PRR16: variants seen among roughly 807,000 people sequenced by gnomAD.
PRR16 encodes protein Largen.
Under a neutral mutation model 18.2 loss-of-function variants are expected in PRR16, and 6 were observed. That is an observed-to-expected ratio of 0.33 (90% CI 0.18 to 0.65). The LOEUF is 0.65. Ranked by LOEUF, PRR16 falls within the 30% of genes least tolerant of loss-of-function variation. PRR16 has a pLI of 0.74. For synonymous variants in PRR16, 151 were observed against 147.8 expected, an observed-to-expected ratio of 1.02 and a Z score of -0.16; for missense variants, 412 against 376.6, an observed-to-expected ratio of 1.09 and a Z score of -0.78.
At chr5:120,468,699 T>G (rs751354047) in intron 1 of PRR16, among the ~76,000 whole-genome samples, 9 of 152,230 alleles carry the variant, frequency 5.9e-5, no homozygotes, top group Non-Finnish European at 1.2e-4. Flanking sequence ...GGTATTAATA[T>G]GGGATCACAT....
chr5:120,527,323 T>C (rs1469546544), intron 1 of PRR16, among the ~76,000 whole-genome samples: 4 of 152,206 alleles, frequency 2.6e-5, no homozygotes, highest in Admixed American at 6.5e-5. Context: ...CCTTAATTAT[T>C]GGTCAAACAT....
chr5:120,624,083 G>A (rs556310703), intron 1 of PRR16, among the ~76,000 whole-genome samples: 2 of 152,170 alleles, frequency 1.3e-5, no homozygotes, highest in South Asian at 2.1e-4. Flanking sequence ...TTTTCACAGT[G>A]GGGTATTTTT....
intron 1 of PRR16, among the ~76,000 whole-genome samples, chr5:120,533,311 A>G (rs143780832): frequency 6.6e-6 from 1 of 152,358 alleles, no homozygotes; most frequent in African/African-American, 2.4e-5. Context: ...ACTTGGAGAT[A>G]TATCAGTAAA....
At chr5:120,780,349 T>C in the PRR16 span, among the ~76,000 whole-genome samples, 1 of 152,224 alleles carries the variant, frequency 6.6e-6, no homozygotes, top group Non-Finnish European at 1.5e-5. Context: ...GAAGGAGTAC[T>C]GTGTAAGTGA....
At chr5:120,664,611 C>G (rs1444782182) in intron 1 of PRR16, among the ~76,000 whole-genome samples, 1 of 151,918 alleles carries the variant, frequency 6.6e-6, no homozygotes, top group Non-Finnish European at 1.5e-5. Context: ...TCCCTGCTCC[C>G]CCTACCCCAC....
chr5:120,637,841 A>T (rs1387853112), intron 1 of PRR16, among the ~76,000 whole-genome samples: 1 of 152,102 alleles, frequency 6.6e-6, no homozygotes, highest in Non-Finnish European at 1.5e-5. Flanking sequence ...CATCTCAACA[A>T]CAAAAAAAAG....
At chr5:120,736,754 C>A in the PRR16 span, among the ~76,000 whole-genome samples, 1 of 151,860 alleles carries the variant, frequency 6.6e-6, no homozygotes, top group Non-Finnish European at 1.5e-5. Flanking sequence ...TGTGTGTCTT[C>A]TTTAATTTCC....
chr5:120,736,624 A>G, the PRR16 span, among the ~76,000 whole-genome samples: 27 of 145,202 alleles, frequency 1.9e-4, no homozygotes, highest in Non-Finnish European at 3.0e-5. Flanking sequence ...TATTTCTGCA[A>G]AAACTGTCAT....
intron 1 of PRR16, among the ~76,000 whole-genome samples, chr5:120,604,282 A>C (rs1301443128): frequency 6.6e-6 from 1 of 152,062 alleles, no homozygotes; most frequent in African/African-American, 2.4e-5. Flanking sequence ...TTCTTTTTGA[A>C]TTGAACCCTT....
the PRR16 span, among the ~76,000 whole-genome samples, chr5:120,698,887 T>G: frequency 6.6e-6 from 1 of 152,222 alleles, no homozygotes; most frequent in Admixed American, 6.5e-5. Context: ...GAAAAACTGC[T>G]TGGCTGATTT....
chr5:120,686,822 C>A lies in PRR16; in HGVS notation c.*113C>A. ...AGCCCAAATATATTAATCCTGCATT[C>A]AGCAAAGTGGCATAAAAATCACCTG... On this transcript the variant is annotated 3_prime_UTR_variant, in exon 2 of 2. Transcript: ENST00000407149. The A allele has an allele frequency of 1.1e-6, 1 of 879,394 alleles. No individual in the cohort carries two copies. Among genetic ancestry groups the A allele is most frequent in the South Asian group, 3.5e-5 (1 of 28,262 alleles). 54.5% of individuals were successfully genotyped at this position (879,394 alleles called of 1,614,324 possible).
chr5:120,787,896 C>G, the PRR16 span, among the ~76,000 whole-genome samples: 4 of 152,022 alleles, frequency 2.6e-5, no homozygotes, highest in Admixed American at 6.6e-5. Context: ...ACCCTGTCCT[C>G]TGTCAAGCTC....
intron 1 of PRR16, among the ~76,000 whole-genome samples, chr5:120,563,154 T>C (rs768637092): frequency 6.6e-6 from 1 of 152,184 alleles, no homozygotes; most frequent in Non-Finnish European, 1.5e-5. Flanking sequence ...GCTATATTAT[T>C]CTATGGTAAA....
the PRR16 span, among the ~76,000 whole-genome samples, chr5:120,705,481 C>A: frequency 6.6e-6 from 1 of 152,010 alleles, no homozygotes; most frequent in Non-Finnish European, 1.5e-5. Context: ...AGTCAATTTT[C>A]AGTGTTCAGG....
At chr5:120,788,561 A>G in the PRR16 span, among the ~76,000 whole-genome samples, 1 of 152,048 alleles carries the variant, frequency 6.6e-6, no homozygotes, top group African/African-American at 2.4e-5. Flanking sequence ...TTACATACAT[A>G]GAGACTTATA....
intron 1 of PRR16, among the ~76,000 whole-genome samples, chr5:120,532,441 A>G (rs1431882891): frequency 6.6e-6 from 1 of 152,096 alleles, no homozygotes; most frequent in Non-Finnish European, 1.5e-5. Context: ...GGTGTTAAAT[A>G]AGAAAAAAAC....
chr5:120,670,317 G>GA (rs1756555365), intron 1 of PRR16, among the ~76,000 whole-genome samples: 1 of 151,900 alleles, frequency 6.6e-6, no homozygotes, highest in Admixed American at 6.6e-5. Context: ...TTTTCATAAA[G>GA]AAAAAAAGTG....
At chr5:120,751,015 A>T in the PRR16 span, among the ~76,000 whole-genome samples, 2 of 152,168 alleles carry the variant, frequency 1.3e-5, no homozygotes, top group East Asian at 3.9e-4. Flanking sequence ...TTTAGCTTCC[A>T]TATATGAAGG....
intron 1 of PRR16, among the ~76,000 whole-genome samples, chr5:120,640,059 A>G (rs1755369916): frequency 6.6e-6 from 1 of 152,108 alleles, no homozygotes; most frequent in Non-Finnish European, 1.5e-5. Flanking sequence ...CAAATACCAC[A>G]TGATCTCATT....
Sources: allele counts gnomAD v4.1 joint callset (sites outside exome capture counted in the v4.1 genomes callset), GRCh38; gene constraint gnomAD v4.1.1; transcripts MANE v1.5; gene names NCBI Gene and HGNC (gene_info 2026-07-23, HGNC 2026-07-21).